Variants in ATP13A3 observed in about 807,000 individuals in gnomAD.
The protein encoded by ATP13A3 is polyamine-transporting ATPase 13A3.
In ATP13A3, 59 loss-of-function variants were observed where a neutral mutation model predicts 158.1. That is an observed-to-expected ratio of 0.37 (90% CI 0.30 to 0.46). ATP13A3 has a LOEUF of 0.46. Among genes scored for constraint, ATP13A3 ranks in the 20% least tolerant of loss-of-function variants. The probability of loss-of-function intolerance (pLI) is 1.00; values close to 1 mark genes in which losing one functional copy is unlikely to be tolerated. For synonymous variants in ATP13A3, 491 were observed against 504.3 expected (o/e 0.97, Z 0.35); for missense variants, 1,166 against 1,525.2 (o/e 0.76, Z 3.92).
intron 31 of ATP13A3, among the ~76,000 whole-genome samples, chr3:194,419,138 T>G (rs184974138): frequency 6.6e-6 from 1 of 152,078 alleles, no homozygotes; most frequent in East Asian, 1.9e-4. Context: ...AATAAAATAA[T>G]GTATCAACAA....
chr3:194,469,124 C>T (rs765458348), intron 2 of ATP13A3, among the ~76,000 whole-genome samples: 2 of 149,636 alleles, frequency 1.3e-5, no homozygotes, highest in Non-Finnish European at 3.0e-5. Context: ...CAGAGCAAGA[C>T]TCCATCACAC....
rs1211916980 is a variant in ATP13A3 at position 194,402,738 on chromosome 3, T to C, written c.*3181A>G. On this transcript the variant is annotated 3_prime_UTR_variant, in exon 34 of 34. Coordinates refer to ENST00000645319, the MANE Select transcript of ATP13A3 (RefSeq NM_001367549.1). ...ATCAAAAAAGGTTTCATAAGATTATTTACAATGCTGAATGTACAATTATGA... is the reference window on the plus strand; with the variant it reads ...ATCAAAAAAGGTTTCATAAGATTATCTACAATGCTGAATGTACAATTATGA... 1.3e-5 allele frequency: 2 copies of C among 152,174 alleles called. No homozygotes were observed. Among genetic ancestry groups the C allele is most frequent in the Non-Finnish European group, 2.9e-5 (2 of 68,040 alleles). 9.4% of individuals were successfully genotyped at this position (152,174 alleles called of 1,614,324 possible).
chr3:194,474,076 G>A (rs940349396), intron 2 of ATP13A3, among the ~76,000 whole-genome samples: 1 of 152,202 alleles, frequency 6.6e-6, no homozygotes, highest in African/African-American at 2.4e-5. Flanking sequence ...TTATGAAGTA[G>A]AGTATAAAAG....
intron 33 of ATP13A3, among the ~76,000 whole-genome samples, chr3:194,411,929 A>C (rs1715464794): frequency 6.6e-6 from 1 of 152,168 alleles, no homozygotes; most frequent in Admixed American, 6.5e-5. Context: ...CTTTTACACA[A>C]ATAGAAGATC....
chr3:194,473,268 G>A (rs1042604443), intron 2 of ATP13A3, among the ~76,000 whole-genome samples: 2 of 152,004 alleles, frequency 1.3e-5, no homozygotes, highest in Non-Finnish European at 1.5e-5. Context: ...ATTAATGTAC[G>A]CAATAAAACA....
intron 8 of ATP13A3, among the ~76,000 whole-genome samples, chr3:194,454,916 C>T (rs915799622): frequency 8.6e-5 from 13 of 151,820 alleles, no homozygotes; most frequent in Middle Eastern, 3.2e-3. Flanking sequence ...ATTTAAATTA[C>T]TGGCATCCAT....
chr3:194,420,091 T>G, intron 30 of ATP13A3, 124 bp from the exon 31 acceptor site: 1 of 1,080,604 alleles, frequency 9.3e-7, no homozygotes, highest in Non-Finnish European at 1.2e-6. Context: ...CTTCAGTTGA[T>G]GGAATAAAGT....
Position 194,428,870 on chromosome 3 carries a change from T to G in ATP13A3, c.2922A>C (p.Ala974=). The G allele has an allele frequency of 6.3e-7, 1 of 1,598,878 alleles. No individual in the cohort carries two copies. Among genetic ancestry groups the G allele is most frequent in the Non-Finnish European group, 8.6e-7 (1 of 1,168,520 alleles). ...GDFQFLFIDL[A]IILVVVFTMS... is the part of the protein sequence containing the mutation. ...TTGTAAATACCACTACCAAAATGAT[T>G]GCCAGATCAATGAAGAGAAACTGGA... Residue 974 remains alanine (A), a synonymous_variant, in exon 28 of 34, where the codon GCA becomes GCC. Coordinates refer to ENST00000645319, the MANE Select transcript of ATP13A3 (RefSeq NM_001367549.1).
chr3:194,458,689 G>C (rs1323489099), intron 6 of ATP13A3, among the ~76,000 whole-genome samples: 1 of 152,068 alleles, frequency 6.6e-6, no homozygotes, highest in Non-Finnish European at 1.5e-5. Flanking sequence ...TGCCCGGCCT[G>C]ATTTTCTTTA....
chr3:194,411,733 C>T (rs916214810), intron 33 of ATP13A3, among the ~76,000 whole-genome samples: 1 of 152,132 alleles, frequency 6.6e-6, no homozygotes, highest in Non-Finnish European at 1.5e-5. Context: ...CAGTAACTGA[C>T]AAGAAATCAG....
In ATP13A3 at chr3:194,414,099, A is replaced by G. The variant is rs1395715104; in HGVS notation, c.3403-260T>C. The stretch of plus-strand genomic sequence containing the variant: ...GTCAAATCCTGTTCACTCAGATTCA[A>G]AAGCCCATGCTCTACTAGATCATGA... On this transcript the variant is annotated intron_variant, in intron 31 of 33. Transcript: ENST00000645319. 2.6e-5 allele frequency among the ~76,000 whole-genome samples: 4 copies of G among 152,212 alleles called. No homozygotes were observed. The East Asian group carries it at 7.7e-4, about 29-fold the overall frequency.
intron 29 of ATP13A3, 70 bp downstream of exon 29, chr3:194,427,005 T>A: frequency 2.6e-6 from 4 of 1,515,340 alleles, no homozygotes; most frequent in Non-Finnish European, 3.6e-6. Context: ...TATTAACTTC[T>A]AAACTCATTT....
chr3:194,451,656 A>T (rs749910469), intron 10 of ATP13A3: 1 of 152,296 alleles, frequency 6.6e-6, no homozygotes, highest in Non-Finnish European at 1.5e-5. Flanking sequence ...GAAAATGGAG[A>T]CTGATTTGGT....
At chr3:194,455,432 G>A (rs1487798918) in intron 8 of ATP13A3, among the ~76,000 whole-genome samples, 2 of 152,166 alleles carry the variant, frequency 1.3e-5, no homozygotes, top group African/African-American at 4.8e-5. Context: ...AGGTAAAGGA[G>A]CAACAGAGAG....
chr3:194,459,438 A>C, intron 6 of ATP13A3, 33 bp downstream of exon 6: 2 of 1,423,420 alleles, frequency 1.4e-6, no homozygotes, highest in Non-Finnish European at 2.0e-6. Flanking sequence ...CAGGATATTC[A>C]AAATACAATC....
chr3:194,430,399 A>G, intron 24 of ATP13A3, 84 bp from the exon 25 acceptor site: 2 of 1,405,336 alleles, frequency 1.4e-6, no homozygotes, highest in South Asian at 1.2e-5. Context: ...CTATTACAGT[A>G]TTATAAAGAG....
rs1377770381 is a variant in ATP13A3 at position 194,448,640 on chromosome 3, TA to T, written c.971-5del. 1 of 1,603,532 alleles carries T rather than the reference TA, an allele frequency of 6.2e-7. No homozygotes were observed. Among genetic ancestry groups the T allele is most frequent in the Middle Eastern group, 1.8e-4 (1 of 5,692 alleles). ...TTTGTCACTGGAACACTTTCTCCTT[TA>T]AAAAACAACAACAACAACAAAAACA... On this transcript the variant is annotated splice_polypyrimidine_tract_variant and splice_region_variant and intron_variant, in intron 11 of 33. Transcript: ENST00000645319. The surrounding 1 kb of genome is among the most constrained non-coding windows in gnomAD (Gnocchi z 4.0).
At chr3:194,488,931 AG>A (rs1721111977), upstream of ATP13A3, among the ~76,000 whole-genome samples, 2 of 152,364 alleles carry the variant, frequency 1.3e-5, no homozygotes, top group Admixed American at 1.3e-4. This position sits in a 1 kb window ranked among gnomAD's most constrained non-coding sequence, Gnocchi z 4.1. Flanking sequence ...ATTGCCTGCC[AG>A]GCAGCTCTAG....
Position 194,448,371 on chromosome 3 carries a change from C to T in ATP13A3, c.1150+86G>A. Reference sequence around the variant, plus strand: ...GGGATTACAGGCGTTAGCCACAGCACCCAGCCCAGAATCTCTTTTTAAACA... The same window carrying T: ...GGGATTACAGGCGTTAGCCACAGCATCCAGCCCAGAATCTCTTTTTAAACA... On this transcript the variant is annotated intron_variant, in intron 12 of 33. Coordinates refer to ENST00000645319, the MANE Select transcript of ATP13A3 (RefSeq NM_001367549.1). The surrounding 1 kb of genome is among the most constrained non-coding windows in gnomAD (Gnocchi z 4.0). 1 of 1,502,446 alleles carries T rather than the reference C, an allele frequency of 6.7e-7. No individual in the cohort carries two copies. Among genetic ancestry groups the T allele is most frequent in the Non-Finnish European group, 9.2e-7 (1 of 1,089,918 alleles). 93.1% of individuals were successfully genotyped at this position (1,502,446 alleles called of 1,614,324 possible).
Sources: gnomAD v4.1 joint callset for allele counts (sites outside exome capture counted in the v4.1 genomes callset) on GRCh38, gnomAD v4.1.1 for gene constraint, Gnocchi (gnomAD v3.1) non-coding constraint, MANE v1.5 for transcripts, NCBI Gene and HGNC (gene_info 2026-07-23, HGNC 2026-07-21) for gene names.